The following BLM variants were observed in gnomAD, a reference collection of about 807,000 sequenced individuals.
The protein encoded by BLM is recQ-like DNA helicase BLM.
A neutral mutation model predicts 135.3 loss-of-function variants in BLM; 95 were observed. That is an observed-to-expected ratio of 0.70 (90% CI 0.59 to 0.83). BLM has a LOEUF of 0.83. BLM is among the 40% of genes least tolerant of loss of function. The pLI is 0.00. For missense variants in BLM, 1,518 were observed against 1,663.9 expected (o/e 0.91, Z 1.53); for synonymous variants, 520 against 589.2 (o/e 0.88, Z 1.70).
chr15:90,718,572 A>G (rs569825121), intron 1 of BLM, among the ~76,000 whole-genome samples: 1 of 152,340 alleles, frequency 6.6e-6, no homozygotes. Flanking sequence ...GGAATAGTAA[A>G]TAGAATTAAT....
intron 1 of BLM, among the ~76,000 whole-genome samples, chr15:90,738,968 T>C (rs1193168608): frequency 6.6e-6 from 1 of 152,204 alleles, no homozygotes; most frequent in East Asian, 1.9e-4. Flanking sequence ...TCAGCAATTC[T>C]CAAAAAGATA....
At position 90,776,721 on chromosome 15, in the gene BLM, G is replaced by A. The variant is rs573728643; in HGVS notation, c.2556-6101G>A. Among the ~76,000 whole-genome samples, 9 of 151,948 alleles carry A rather than the reference G, an allele frequency of 5.9e-5. No homozygotes were observed. The East Asian group carries it at 1.2e-3, about 20-fold the overall frequency. On this transcript the variant is annotated intron_variant, in intron 12 of 21. Transcript: ENST00000355112. The stretch of plus-strand genomic sequence containing the variant: ...GTTTTTTGTTTGTGTTGTTTTTTTC[G>A]TAGAGACGGAGTTTCACCATGTTGC...
chr15:90,763,645 C>A (rs1460971600), intron 8 of BLM, among the ~76,000 whole-genome samples: 1 of 152,188 alleles, frequency 6.6e-6, no homozygotes, highest in African/African-American at 2.4e-5. Flanking sequence ...ACTCCCTGGG[C>A]CCATTTTCTC....
intron 1 of BLM, among the ~76,000 whole-genome samples, chr15:90,739,461 A>G (rs1361883265): frequency 1.3e-5 from 2 of 152,142 alleles, no homozygotes; most frequent in Non-Finnish European, 2.9e-5. Flanking sequence ...CTGTAATCCC[A>G]GCTACTCCGG....
chr15:90,755,138 G>T, intron 5 of BLM, 200 bp downstream of exon 5: 1 of 619,344 alleles, frequency 1.6e-6, no homozygotes, highest in Non-Finnish European at 2.7e-6. Context: ...GCTCTCACAA[G>T]GGCGTTCATT....
At chr15:90,813,105 A>T (rs894937687) in intron 21 of BLM, among the ~76,000 whole-genome samples, 1 of 152,218 alleles carries the variant, frequency 6.6e-6, no homozygotes, top group Non-Finnish European at 1.5e-5. Context: ...TTTCAAAGGT[A>T]GAAGCGGACA....
At chr15:90,764,456 C>G (rs1225467752) in intron 8 of BLM, among the ~76,000 whole-genome samples, 1 of 151,712 alleles carries the variant, frequency 6.6e-6, no homozygotes, top group African/African-American at 2.4e-5. Context: ...CAAACAATCC[C>G]CCCCACCTTA....
intron 18 of BLM, among the ~76,000 whole-genome samples, chr15:90,803,931 T>C (rs758333029): frequency 2.2e-4 from 34 of 152,234 alleles, no homozygotes; most frequent in Non-Finnish European, 4.6e-4. Flanking sequence ...TAATGGGTTA[T>C]CAGGTCACTA....
intron 5 of BLM, among the ~76,000 whole-genome samples, chr15:90,755,659 C>G (rs1895798914): frequency 6.6e-6 from 1 of 151,998 alleles, no homozygotes; most frequent in Non-Finnish European, 1.5e-5. Context: ...TTTTTACCTT[C>G]TTTTTCTCTT....
chr15:90,749,314 G>A, intron 2 of BLM, 53 bp from the exon 3 acceptor site: 2 of 1,355,810 alleles, frequency 1.5e-6, no homozygotes, highest in Non-Finnish European at 2.1e-6. Flanking sequence ...TTGTAGAGTT[G>A]GGGGGTTTCT....
chr15:90,755,487 C>T (rs985131937), intron 5 of BLM, among the ~76,000 whole-genome samples: 3 of 152,016 alleles, frequency 2.0e-5, no homozygotes, highest in Non-Finnish European at 4.4e-5. Flanking sequence ...GTTTCTAATT[C>T]ATTTTTTATT....
intron 19 of BLM, among the ~76,000 whole-genome samples, chr15:90,808,194 C>G (rs549131408): frequency 9.2e-5 from 14 of 152,320 alleles, no homozygotes; most frequent in African/African-American, 2.6e-4. Flanking sequence ...TTTCTTCCTG[C>G]CTCTCCTACT....
chr15:90,757,179 T>C (rs926264870), intron 5 of BLM, among the ~76,000 whole-genome samples: 2 of 152,322 alleles, frequency 1.3e-5, no homozygotes, highest in Admixed American at 6.5e-5. Flanking sequence ...TGCTTTGAAT[T>C]TACATCAAAT....
chr15:90,734,579 T>C (rs1040673000), intron 1 of BLM, among the ~76,000 whole-genome samples: 4 of 152,036 alleles, frequency 2.6e-5, no homozygotes, highest in Non-Finnish European at 2.9e-5. Context: ...TGAGCCACCA[T>C]GCCTGGCCAA....
chr15:90,808,856 C>A (rs995130089), intron 19 of BLM: 33 of 501,152 alleles, frequency 6.6e-5, no homozygotes, highest in Non-Finnish European at 1.1e-4. Flanking sequence ...CCACTCCACG[C>A]ACATGGCACA....
Position 90,815,058 on chromosome 15 carries a change from T to G in BLM, c.4077-44T>G. 6.3e-7 allele frequency: 1 copy of G among 1,593,072 alleles called. No homozygotes were observed. Among genetic ancestry groups the G allele is most frequent in the Non-Finnish European group, 8.6e-7 (1 of 1,164,372 alleles). On this transcript the variant is annotated intron_variant, in intron 21 of 21. Coordinates refer to ENST00000355112, the MANE Select transcript of BLM (RefSeq NM_000057.4). This position sits in a 1 kb window ranked among gnomAD's most constrained non-coding sequence, Gnocchi z 4.6. ...GGTTGAGAGGAAGGTCATTCATTTTTGGTTTCATTTAACATTTTGATTTTT... is the reference window on the plus strand; with the variant it reads ...GGTTGAGAGGAAGGTCATTCATTTTGGGTTTCATTTAACATTTTGATTTTT...
chr15:90,815,509 T>C lies in BLM; in HGVS notation c.*230T>C. ...GTTGTGGCCGTTGTTTCTCAGAACG[T>C]CTGAGGCAGCAGCTGAATCATCTCA... On this transcript the variant is annotated 3_prime_UTR_variant, in exon 22 of 22. Transcript: ENST00000355112. This position sits in a 1 kb window ranked among gnomAD's most constrained non-coding sequence, Gnocchi z 4.6. 1.8e-6 allele frequency: 1 copy of C among 550,974 alleles called. No individual in the cohort carries two copies. The highest frequency in any genetic ancestry group is 3.2e-6 in the Non-Finnish European group (1 of 316,750). The allele number at this position is 550,974 out of a possible 1,614,324, so 34.1% of individuals were successfully genotyped here.
intron 1 of BLM, among the ~76,000 whole-genome samples, chr15:90,732,619 CAG>C (rs1379056815): frequency 6.8e-6 from 1 of 146,886 alleles, no homozygotes; most frequent in Non-Finnish European, 1.5e-5. Flanking sequence ...AGGCACTAGT[CAG>C]GGGAAAATTT....
intron 12 of BLM, among the ~76,000 whole-genome samples, chr15:90,773,095 C>CAA (rs780966709): frequency 0.29 from 12,608 of 42,914 alleles, 1,606 homozygotes; most frequent in Non-Finnish European, 0.35. Flanking sequence ...GAGACTGTCT[C>CAA]AAAAAAAAAA....
Sources: allele counts gnomAD v4.1 joint callset (sites outside exome capture counted in the v4.1 genomes callset), GRCh38; gene constraint gnomAD v4.1.1; non-coding constraint Gnocchi (gnomAD v3.1); transcripts MANE v1.5; gene names NCBI Gene and HGNC (gene_info 2026-07-23, HGNC 2026-07-21).